Variants in LPIN2 observed in about 807,000 individuals in gnomAD.
LPIN2 encodes phosphatidate phosphatase LPIN2.
In LPIN2, 55 loss-of-function variants were observed where a neutral mutation model predicts 111.4. That is an observed-to-expected ratio of 0.49 (90% CI 0.40 to 0.62). The LOEUF (loss-of-function observed/expected upper bound fraction) is 0.62, where lower values mean the gene tolerates loss of function less well. Ranked by LOEUF, LPIN2 falls within the 20% of genes least tolerant of loss-of-function variation. The probability of loss-of-function intolerance (pLI) is 0.00; values close to 1 mark genes in which losing one functional copy is unlikely to be tolerated. For missense variants in LPIN2, 992 were observed against 1,112.1 expected, an observed-to-expected ratio of 0.89 and a Z score of 1.54; for synonymous variants, 425 against 414.0, an observed-to-expected ratio of 1.03 and a Z score of -0.32.
chr18:3,006,822 A>G (rs1376774320), intron 1 of LPIN2, among the ~76,000 whole-genome samples: 3 of 150,472 alleles, frequency 2.0e-5, no homozygotes, highest in East Asian at 2.0e-4. Context: ...GGGCGACAGA[A>G]CGAGACTCTG....
intron 1 of LPIN2, among the ~76,000 whole-genome samples, chr18:2,970,924 CACTT>C (rs758969026): frequency 2.0e-5 from 3 of 152,192 alleles, no homozygotes; most frequent in Admixed American, 6.5e-5. Flanking sequence ...TCAACACACT[CACTT>C]TCTATAAACA....
intron 1 of LPIN2, among the ~76,000 whole-genome samples, chr18:2,995,640 C>T (rs2078329130): frequency 6.6e-6 from 1 of 152,190 alleles, no homozygotes; most frequent in South Asian, 2.1e-4. Flanking sequence ...GTCAATACCA[C>T]ATAGTCACAG....
chr18:2,928,364 A>G (rs565495101), intron 11 of LPIN2, among the ~76,000 whole-genome samples: 1 of 152,270 alleles, frequency 6.6e-6, no homozygotes, highest in African/African-American at 2.4e-5. Flanking sequence ...ACTAGTATTT[A>G]TGTCTAATAA....
Position 2,979,746 on chromosome 18 carries a change from C to T in LPIN2, c.-9-18897G>A, listed in dbSNP as rs182888265. On this transcript the variant is annotated intron_variant, in intron 1 of 19. Transcript: ENST00000677752. ...TCCACAGTCCCAAAACTACTCCCCC[C>T]CAAATTCCTGAGTTCATCTGTGGCG... 3.9e-5 allele frequency among the ~76,000 whole-genome samples: 6 copies of T among 152,162 alleles called. No individual in the cohort carries two copies. The East Asian group carries it at 5.8e-4, about 15-fold the overall frequency.
At chr18:2,986,929 G>A (rs2078195546) in intron 1 of LPIN2, among the ~76,000 whole-genome samples, 2 of 152,132 alleles carry the variant, frequency 1.3e-5, no homozygotes, top group Admixed American at 6.5e-5. Flanking sequence ...CCTCTGTTCT[G>A]CTCAGGCAGG....
chr18:2,946,850 G>A (rs1349427130), intron 4 of LPIN2: 4 of 338,100 alleles, frequency 1.2e-5, no homozygotes, highest in Non-Finnish European at 2.2e-5. Context: ...GAATTTCAGC[G>A]TGGCTAATGA....
At chr18:2,963,947 T>C (rs747897024) in intron 1 of LPIN2, among the ~76,000 whole-genome samples, 2 of 151,854 alleles carry the variant, frequency 1.3e-5, no homozygotes, top group Non-Finnish European at 2.9e-5. Flanking sequence ...TATACATTAT[T>C]ATCTCAGAAC....
chr18:2,919,110 C>T lies in LPIN2; in HGVS notation c.*1183G>A, dbSNP rs903919688. The stretch of plus-strand genomic sequence containing the variant: ...CTTCAGACACGATGTGAGCTCATTA[C>T]AACCGCATCAGTAAATGGAGCTACC... On this transcript the variant is annotated 3_prime_UTR_variant, in exon 20 of 20. Transcript: ENST00000677752. The T allele has an allele frequency of 2.0e-5, 3 of 152,188 alleles. No homozygotes were observed. Among genetic ancestry groups the T allele is most frequent in the Non-Finnish European group, 4.4e-5 (3 of 68,038 alleles). The allele number at this position is 152,188 out of a possible 1,614,324, so 9.4% of individuals were successfully genotyped here. A position where few individuals can be genotyped will look rare whatever the true frequency, so the allele number is the denominator to read the frequency against.
intron 1 of LPIN2, among the ~76,000 whole-genome samples, chr18:2,990,077 AG>A (rs2078242865): frequency 6.6e-6 from 1 of 152,226 alleles, no homozygotes; most frequent in Admixed American, 6.5e-5. Context: ...GCATGGCGGA[AG>A]GAATAGTCTC....
chr18:2,924,574 A>G (rs2077103121), intron 14 of LPIN2, 28 bp from the exon 15 acceptor site: 6 of 1,611,580 alleles, frequency 3.7e-6, no homozygotes, highest in Non-Finnish European at 5.1e-6. Context: ...GAATAAAGAA[A>G]ATCAGCTGAA....
chr18:3,012,849 G>C (rs1295423361), intron 1 of LPIN2, among the ~76,000 whole-genome samples: 1 of 151,792 alleles, frequency 6.6e-6, no homozygotes, highest in Non-Finnish European at 1.5e-5. Context: ...GTCCTGCGGC[G>C]GCGGCGGTAG....
At chr18:2,971,814 G>A (rs181866449) in intron 1 of LPIN2, among the ~76,000 whole-genome samples, 224 of 150,642 alleles carry the variant, frequency 1.5e-3, no homozygotes, top group Admixed American at 4.4e-3. Flanking sequence ...TTGGGAGGCC[G>A]AGGCGGGGGG....
At chr18:2,959,583 G>A (rs1477470766) in intron 2 of LPIN2, among the ~76,000 whole-genome samples, 3 of 152,192 alleles carry the variant, frequency 2.0e-5, no homozygotes, top group African/African-American at 7.2e-5. Context: ...TACCTGCCAA[G>A]TGTTATTACT....
chr18:2,946,127 C>T, intron 4 of LPIN2: 3 of 1,593,944 alleles, frequency 1.9e-6, no homozygotes. Context: ...TTCTTCATTC[C>T]CTGATGACAG....
At chr18:2,964,319 G>T (rs2077758943) in intron 1 of LPIN2, among the ~76,000 whole-genome samples, 1 of 143,602 alleles carries the variant, frequency 7.0e-6, no homozygotes, top group Non-Finnish European at 1.5e-5. Context: ...ATGAGGGTTA[G>T]AAAAGTTAAG....
chr18:2,992,117 A>G (rs1401660623), intron 1 of LPIN2, among the ~76,000 whole-genome samples: 1 of 152,248 alleles, frequency 6.6e-6, no homozygotes, highest in African/African-American at 2.4e-5. Flanking sequence ...AGACATTTGT[A>G]TACCAGTGTT....
At chr18:2,965,457 G>A (rs904868593) in intron 1 of LPIN2, among the ~76,000 whole-genome samples, 8 of 152,184 alleles carry the variant, frequency 5.3e-5, no homozygotes, top group Admixed American at 1.3e-4. Flanking sequence ...GGCCAGGCGC[G>A]GTGGCTCACG....
At chr18:3,012,099 A>G (rs2078614118) in intron 1 of LPIN2, among the ~76,000 whole-genome samples, 1 of 152,234 alleles carries the variant, frequency 6.6e-6, no homozygotes, top group East Asian at 1.9e-4. Context: ...GTTTTAATAA[A>G]CAGTAACACC....
chr18:2,929,267 A>G, intron 9 of LPIN2, 109 bp from the exon 10 acceptor site: 1 of 791,892 alleles, frequency 1.3e-6, no homozygotes, highest in Non-Finnish European at 2.1e-6. Context: ...ATCTGTCTAA[A>G]AAAACTAATT....
Sources: allele counts gnomAD v4.1 joint callset (sites outside exome capture counted in the v4.1 genomes callset), GRCh38; gene constraint gnomAD v4.1.1; transcripts MANE v1.5; gene names NCBI Gene and HGNC (gene_info 2026-07-23, HGNC 2026-07-21).